The following ADGRA3 variants were observed in gnomAD, a reference collection of about 807,000 sequenced individuals.
ADGRA3 encodes G-protein coupled receptor 125.
A neutral mutation model predicts 119.8 loss-of-function variants in ADGRA3; 56 were observed. The observed-to-expected ratio is 0.47, with a 90% confidence interval of 0.38 to 0.58. The LOEUF (loss-of-function observed/expected upper bound fraction) is 0.58, where lower values mean the gene tolerates loss of function less well. Ranked by LOEUF, ADGRA3 falls within the 20% of genes least tolerant of loss-of-function variation. The pLI is 0.00. For synonymous variants in ADGRA3, 607 were observed against 623.8 expected, an observed-to-expected ratio of 0.97 and a Z score of 0.40; for missense variants, 1,516 against 1,649.0, an observed-to-expected ratio of 0.92 and a Z score of 1.40.
intron 1 of ADGRA3, among the ~76,000 whole-genome samples, chr4:22,476,222 C>G (rs1718037626): frequency 6.6e-6 from 1 of 152,092 alleles, no homozygotes; most frequent in South Asian, 2.1e-4. Flanking sequence ...AAGCTCACTT[C>G]CGGAACAAGA....
At chr4:22,442,081 T>C (rs890858588) in intron 7 of ADGRA3, among the ~76,000 whole-genome samples, 1 of 152,152 alleles carries the variant, frequency 6.6e-6, no homozygotes, top group Non-Finnish European at 1.5e-5. Flanking sequence ...GAAAACTCAA[T>C]GTCTAAAGGT....
chr4:22,449,054 T>C (rs1431855924), intron 4 of ADGRA3, among the ~76,000 whole-genome samples: 3 of 152,118 alleles, frequency 2.0e-5, no homozygotes, highest in African/African-American at 4.8e-5. Context: ...GTGGATCACC[T>C]GAGGTCGGGA....
chr4:22,401,898 G>C (rs1714669195), intron 15 of ADGRA3, among the ~76,000 whole-genome samples: 1 of 152,164 alleles, frequency 6.6e-6, no homozygotes, highest in African/African-American at 2.4e-5. Flanking sequence ...TTACCTGCTT[G>C]GCCACCTAGA....
Position 22,483,994 on chromosome 4 carries a change from T to A in ADGRA3, c.258-10151A>T, listed in dbSNP as rs528449718. Among the ~76,000 whole-genome samples the A allele has an allele frequency of 6.1e-3, 926 of 151,710 alleles. 10 individuals are homozygous for A. Among genetic ancestry groups the A allele is most frequent in the African/African-American group, 0.021 (872 of 41,374 alleles). ...CAATGATGCATGATTACATTTTTTT[T>A]AAAGCTGTTAAATGAACCCCAAGTA... On this transcript the variant is annotated intron_variant, in intron 1 of 18. Transcript: ENST00000334304.
At chr4:22,515,457 G>A in intron 1 of ADGRA3, 71 bp downstream of exon 1, 1 of 1,551,508 alleles carries the variant, frequency 6.4e-7, no homozygotes, top group Admixed American at 1.8e-5. Context: ...GCTGGACCCT[G>A]CTCCAAAGTT....
At chr4:22,511,162 C>A (rs555828278) in intron 1 of ADGRA3, among the ~76,000 whole-genome samples, 10 of 152,256 alleles carry the variant, frequency 6.6e-5, no homozygotes, top group Admixed American at 5.9e-4. Context: ...TCACGAGGAA[C>A]CCACATTTAG....
chr4:22,436,789 T>C, intron 8 of ADGRA3, 148 bp from the exon 9 acceptor site: 1 of 647,272 alleles, frequency 1.5e-6, no homozygotes, highest in Non-Finnish European at 2.7e-6. Context: ...GGGAGAAACC[T>C]TTGTTATTTG....
chr4:22,448,949 A>G (rs1431923427), intron 4 of ADGRA3, among the ~76,000 whole-genome samples: 2 of 152,324 alleles, frequency 1.3e-5, no homozygotes, highest in South Asian at 2.1e-4. Flanking sequence ...ATACATCACA[A>G]TAACATTTTA....
intron 11 of ADGRA3, among the ~76,000 whole-genome samples, chr4:22,422,408 T>A (rs142316669): frequency 6.6e-6 from 1 of 152,302 alleles, no homozygotes; most frequent in African/African-American, 2.4e-5. Context: ...GCATAAAGAA[T>A]CTTTGTATTA....
chr4:22,402,535 G>A, intron 15 of ADGRA3, 140 bp downstream of exon 15: 1 of 746,634 alleles, frequency 1.3e-6, no homozygotes, highest in Non-Finnish European at 2.2e-6. Flanking sequence ...TGAAATGAAG[G>A]CATGTATATA....
intron 14 of ADGRA3, among the ~76,000 whole-genome samples, chr4:22,403,562 G>A (rs911238738): frequency 1.7e-4 from 26 of 151,760 alleles, no homozygotes; most frequent in African/African-American, 6.1e-4. Flanking sequence ...CAGGGAGTTT[G>A]CATCTCCACA....
intron 4 of ADGRA3, among the ~76,000 whole-genome samples, chr4:22,449,748 A>ATAG (rs1366857302): frequency 6.6e-6 from 1 of 151,884 alleles, no homozygotes; most frequent in Non-Finnish European, 1.5e-5. Context: ...TGGGAGGCTA[A>ATAG]GGTGGTGACA....
chr4:22,414,457 T>G (rs1325522167), intron 12 of ADGRA3: 3 of 447,380 alleles, frequency 6.7e-6, no homozygotes, highest in Non-Finnish European at 7.8e-6. Context: ...AAATAACAAA[T>G]TATTCAGCAT....
At chr4:22,496,675 T>C (rs971197581) in intron 1 of ADGRA3, among the ~76,000 whole-genome samples, 1 of 152,204 alleles carries the variant, frequency 6.6e-6, no homozygotes, top group Non-Finnish European at 1.5e-5. Context: ...TTGAGACCTT[T>C]TGTAAATATA....
chr4:22,461,845 C>T, intron 2 of ADGRA3, 37 bp from the exon 3 acceptor site: 2 of 1,317,142 alleles, frequency 1.5e-6, no homozygotes, highest in South Asian at 1.2e-5. Flanking sequence ...CACATATCAA[C>T]ACTGCAACAA....
chr4:22,433,539 T>G (rs1007575213), intron 10 of ADGRA3, among the ~76,000 whole-genome samples: 1 of 152,158 alleles, frequency 6.6e-6, no homozygotes, highest in Non-Finnish European at 1.5e-5. Flanking sequence ...TGCTTCCACC[T>G]AAGAACCCGT....
chr4:22,462,856 T>C (rs1156874314), intron 2 of ADGRA3, among the ~76,000 whole-genome samples: 1 of 152,312 alleles, frequency 6.6e-6, no homozygotes, highest in Admixed American at 6.5e-5. Flanking sequence ...AGACACACTA[T>C]GGCTACAGCT....
At chr4:22,470,185 A>T (rs1452717723) in intron 2 of ADGRA3, among the ~76,000 whole-genome samples, 1 of 152,162 alleles carries the variant, frequency 6.6e-6, no homozygotes, top group Non-Finnish European at 1.5e-5. Context: ...TCAGTTATCT[A>T]CTGCATAGAC....
At position 22,421,881 on chromosome 4, in the gene ADGRA3, C is replaced by CCAAAAAAAAAAAA. The variant is rs767609157; in HGVS notation, c.1606-793_1606-792insTTTTTTTTTTTTG. 1.1e-4 allele frequency among the ~76,000 whole-genome samples: 8 copies of CCAAAAAAAAAAAA among 70,424 alleles called. 1 individual carries two copies. Among genetic ancestry groups the CCAAAAAAAAAAAA allele is most frequent in the African/African-American group, 5.1e-4 (8 of 15,638 alleles). 46.2% of individuals were successfully genotyped at this position (70,424 alleles called of 152,430 possible). On this transcript the variant is annotated intron_variant, in intron 11 of 18. Transcript: ENST00000334304. ...GGACAACAGAGCAAGACTCAGTCTCCAAAAAAAAAAAAAAAAAAAAAAAAA... is the reference window on the plus strand; with the variant it reads ...GGACAACAGAGCAAGACTCAGTCTCCCAAAAAAAAAAAAAAAAAAAAAAAAAAAAAAAAAAAAA...
Sources: allele counts gnomAD v4.1 joint callset (sites outside exome capture counted in the v4.1 genomes callset), GRCh38; gene constraint gnomAD v4.1.1; transcripts MANE v1.5; gene names NCBI Gene and HGNC (gene_info 2026-07-23, HGNC 2026-07-21).